IL1R2: variants seen among roughly 807,000 people sequenced by gnomAD.
The protein encoded by IL1R2 is interleukin-1 receptor type 2.
A neutral mutation model predicts 39.5 loss-of-function variants in IL1R2; 46 were observed. The observed-to-expected ratio is 1.16, with a 90% CI of 0.92 to 1.49. IL1R2 has a LOEUF of 1.49. Ranked by LOEUF, IL1R2 falls within the 40% of genes most tolerant of loss-of-function variation. IL1R2 has a pLI of 0.00. For synonymous variants in IL1R2, 207 were observed against 189.6 expected (o/e 1.09, Z -0.75); for missense variants, 537 against 502.0 (o/e 1.07, Z -0.67).
intron 1 of IL1R2, among the ~76,000 whole-genome samples, chr2:101,994,315 C>T (rs2150416009): frequency 1.3e-5 from 2 of 152,230 alleles, no homozygotes; most frequent in Middle Eastern, 3.4e-3. Flanking sequence ...TCCACGGACC[C>T]CGAGCCCCCC....
chr2:102,004,124 C>T (rs1261205794), intron 1 of IL1R2, among the ~76,000 whole-genome samples: 3 of 152,064 alleles, frequency 2.0e-5, no homozygotes, highest in Non-Finnish European at 4.4e-5. Flanking sequence ...TTAACAATGG[C>T]GAATCTACTG....
chr2:102,011,875 G>C (rs962771593), intron 3 of IL1R2, among the ~76,000 whole-genome samples: 4 of 152,118 alleles, frequency 2.6e-5, no homozygotes, highest in Non-Finnish European at 4.4e-5. Context: ...GAATTTTATA[G>C]TTTTAGCTCT....
At chr2:102,012,829 A>G (rs1310492987) in intron 3 of IL1R2, among the ~76,000 whole-genome samples, 1 of 152,238 alleles carries the variant, frequency 6.6e-6, no homozygotes, top group Non-Finnish European at 1.5e-5. Context: ...GGAAAACTTC[A>G]TAGCATAGTA....
rs115514240 is a variant in IL1R2, at chr2:102,016,664, C to T, written c.513+613C>T. ...TCACACAACAAAGAAATCACTTAAA[C>T]TGTTTCTCAGAATTATCCCATTGTT... On this transcript the variant is annotated intron_variant, in intron 4 of 8. Coordinates refer to ENST00000332549, the MANE Select transcript of IL1R2 (RefSeq NM_004633.4). Among the ~76,000 whole-genome samples the T allele has an allele frequency of 8.6e-3, 1,308 of 152,308 alleles. 21 individuals are homozygous for T. Among genetic ancestry groups the T allele is most frequent in the African/African-American group, 0.03 (1,252 of 41,562 alleles).
chr2:101,993,436 G>T (rs772124332), intron 1 of IL1R2, among the ~76,000 whole-genome samples: 6 of 152,160 alleles, frequency 3.9e-5, no homozygotes, highest in Non-Finnish European at 5.9e-5. Flanking sequence ...GGGGAAGAAG[G>T]TCATGAGTGA....
At chr2:102,007,607 G>GA (rs1427191381) in intron 1 of IL1R2, among the ~76,000 whole-genome samples, 2 of 152,172 alleles carry the variant, frequency 1.3e-5, no homozygotes, top group Non-Finnish European at 2.9e-5. Context: ...ATGCCCAGGA[G>GA]AAAAAACATG....
intron 1 of IL1R2, among the ~76,000 whole-genome samples, chr2:102,005,430 A>C (rs1676199454): frequency 6.6e-6 from 1 of 152,204 alleles, no homozygotes; most frequent in Admixed American, 6.5e-5. Context: ...CTGGAAAAAC[A>C]ATATATTGGG....
At chr2:102,001,114 T>TG (rs1675835780) in intron 1 of IL1R2, among the ~76,000 whole-genome samples, 1 of 152,200 alleles carries the variant, frequency 6.6e-6, no homozygotes, top group African/African-American at 2.4e-5. Context: ...TCCAGCCTGC[T>TG]GGGGGCTTGG....
At chr2:102,016,156 C>A in intron 4 of IL1R2, 105 bp downstream of exon 4, 1 of 857,676 alleles carries the variant, frequency 1.2e-6, no homozygotes, top group Non-Finnish European at 1.8e-6. Flanking sequence ...TGCACACACA[C>A]ACACGCACAA....
At chr2:102,013,101 C>CA (rs1676738718) in intron 3 of IL1R2, among the ~76,000 whole-genome samples, 1 of 151,914 alleles carries the variant, frequency 6.6e-6, no homozygotes, top group Non-Finnish European at 1.5e-5. Context: ...TGAGACTGTG[C>CA]AAAAATCAGG....
chr2:102,000,712 C>A (rs768148742), intron 1 of IL1R2, among the ~76,000 whole-genome samples: 1 of 152,130 alleles, frequency 6.6e-6, no homozygotes, highest in East Asian at 1.9e-4. Flanking sequence ...GAGCAGAGAA[C>A]GAGTGCCAAA....
Position 102,009,802 on chromosome 2 carries a change from C to G in IL1R2, c.308C>G (p.Ser103Cys), listed in dbSNP as rs1312235323. 4 of 1,614,088 alleles carry G rather than the reference C, an allele frequency of 2.5e-6. No individual in the cohort carries two copies. Among genetic ancestry groups the G allele is most frequent in the Non-Finnish European group, 2.5e-6 (3 of 1,180,032 alleles). Reference sequence around the variant, plus strand: ...CTTCTGCCAGCCTTGCAGGAGGACTCTGGCACCTACGTCTGCACTACTAGG... The same window carrying G: ...CTTCTGCCAGCCTTGCAGGAGGACTGTGGCACCTACGTCTGCACTACTAGG... ...LWLLPALQED[S>C]GTYVCTTRNA... The change falls in exon 3 of 9, where the codon TCT becomes TGT. Residue 103 changes from serine to cysteine, a missense_variant. Coordinates refer to ENST00000332549, the MANE Select transcript of IL1R2 (RefSeq NM_004633.4).
chr2:102,028,336 G>A lies in IL1R2; in HGVS notation c.1141G>A (p.Asp381Asn). ...GTGCAAACACAGAACTGGAAAAGCAGATGGTCTGACTGTGCTATGGCCTCA... is the reference window on the plus strand; with the variant it reads ...GTGCAAACACAGAACTGGAAAAGCAAATGGTCTGACTGTGCTATGGCCTCA... Reference protein sequence around the residue: ...RRCKHRTGKADGLTVLWPHHQ... With the variant: ...RRCKHRTGKANGLTVLWPHHQ... Residue 381 changes from aspartate (D) to asparagine (N), a missense_variant, in exon 9 of 9, where the codon GAT becomes AAT. Asp to Asn is a conservative substitution (Grantham distance 23). Transcript: ENST00000332549. The A allele has an allele frequency of 6.2e-7, 1 of 1,611,220 alleles. No individual in the cohort carries two copies. The highest frequency in any genetic ancestry group is 8.5e-7 in the Non-Finnish European group (1 of 1,178,952).
chr2:102,023,079 T>A (rs962411205), intron 6 of IL1R2, among the ~76,000 whole-genome samples: 2 of 152,232 alleles, frequency 1.3e-5, no homozygotes, highest in African/African-American at 4.8e-5. Flanking sequence ...TGCATCCTTT[T>A]ATGTGTTTGT....
chr2:102,028,445 G>A lies in IL1R2; in HGVS notation c.*53G>A. The stretch of plus-strand genomic sequence containing the variant: ...CAAACTCCGTACGTCTTCTCTTATG[G>A]AAGTGGCTGTGTCTTTTTGAGGGAC... On this transcript the variant is annotated 3_prime_UTR_variant, in exon 9 of 9. Coordinates refer to ENST00000332549, the MANE Select transcript of IL1R2 (RefSeq NM_004633.4). 6.9e-7 allele frequency: 1 copy of A among 1,457,440 alleles called. No individual in the cohort carries two copies. The highest frequency in any genetic ancestry group is 1.4e-5 in the South Asian group (1 of 71,062). The allele number at this position is 1,457,440 out of a possible 1,614,324, so 90.3% of individuals were successfully genotyped here.
intron 1 of IL1R2, among the ~76,000 whole-genome samples, chr2:101,999,556 C>A (rs2150419718): frequency 6.6e-6 from 1 of 152,266 alleles, no homozygotes; most frequent in African/African-American, 2.4e-5. Context: ...ACTGAGGAGG[C>A]CTAAGCTCAA....
Position 102,013,550 on chromosome 2 carries a change from AAAG to A in IL1R2, c.333-2320_333-2318del, listed in dbSNP as rs1179267863. Among the ~76,000 whole-genome samples the A allele has an allele frequency of 1.9e-3, 250 of 133,210 alleles. 4 individuals are homozygous for A. Among genetic ancestry groups the A allele is most frequent in the East Asian group, 8.1e-3 (38 of 4,678 alleles). The allele number at this position is 133,210 out of a possible 152,430, so 87.4% of individuals were successfully genotyped here. A position where few individuals can be genotyped will look rare whatever the true frequency, so the allele number is the denominator to read the frequency against. On this transcript the variant is annotated intron_variant, in intron 3 of 8. Coordinates refer to ENST00000332549, the MANE Select transcript of IL1R2 (RefSeq NM_004633.4). The stretch of plus-strand genomic sequence containing the variant: ...AAAAAAAAAAAAAAAAAAAAAAAAA[AAAG>A]GAAAGAAAGAAAAGAAAAGAAGGAA...
chr2:102,010,374 C>G (rs1577704459), intron 3 of IL1R2, among the ~76,000 whole-genome samples: 3 of 152,200 alleles, frequency 2.0e-5, no homozygotes, highest in African/African-American at 7.2e-5. Context: ...GAGATCACGA[C>G]CATCCTGGCT....
chr2:101,994,458 C>T (rs1022374588), intron 1 of IL1R2, among the ~76,000 whole-genome samples: 4 of 152,310 alleles, frequency 2.6e-5, no homozygotes, highest in Non-Finnish European at 4.4e-5. Flanking sequence ...GTGTCTTTGC[C>T]CAGTGGTTCT....
Sources: gnomAD v4.1 joint callset for allele counts (sites outside exome capture counted in the v4.1 genomes callset) on GRCh38, gnomAD v4.1.1 for gene constraint, MANE v1.5 for transcripts, NCBI Gene and HGNC (gene_info 2026-07-23, HGNC 2026-07-21) for gene names.